The following RAB38 variants were observed in gnomAD, a reference collection of about 807,000 sequenced individuals.
RAB38 encodes the protein ras-related protein Rab-38.
RAB38 carries 15 observed loss-of-function variants against 18.4 expected under a neutral mutation model. The observed-to-expected ratio is 0.82, with a 90% CI of 0.55 to 1.26. The LOEUF is 1.26. RAB38 is among the 50% of genes most tolerant of loss of function. The probability of loss-of-function intolerance (pLI) is 0.00; values close to 1 mark genes in which losing one functional copy is unlikely to be tolerated. For synonymous variants in RAB38, 101 were observed against 104.4 expected, an observed-to-expected ratio of 0.97 and a Z score of 0.20; for missense variants, 294 against 267.4, an observed-to-expected ratio of 1.10 and a Z score of -0.69.
chr11:87,947,480 T>C, the RAB38 span, among the ~76,000 whole-genome samples: 1 of 152,190 alleles, frequency 6.6e-6, no homozygotes, highest in African/African-American at 2.4e-5. Context: ...ATGTCCTGAA[T>C]GGTATTGCCT....
chr11:88,166,136 A>G (rs984845857), intron 1 of RAB38: 6 of 152,206 alleles, frequency 3.9e-5, no homozygotes, highest in Non-Finnish European at 8.8e-5. Flanking sequence ...CTCAGAGGCA[A>G]TAAGCATGGA....
Position 88,175,166 on chromosome 11 carries a change from C to T in RAB38, c.202+17G>A, listed in dbSNP as rs1487667376. The T allele has an allele frequency of 6.3e-7, 1 of 1,576,478 alleles. No individual in the cohort carries two copies. Among genetic ancestry groups the T allele is most frequent in the Non-Finnish European group, 8.6e-7 (1 of 1,159,668 alleles). On this transcript the variant is annotated intron_variant, in intron 1 of 2. Transcript: ENST00000243662. The stretch of plus-strand genomic sequence containing the variant: ...GCGAGGCGCTCTATCCCCCTGACCC[C>T]CTCCCCCCGCGCTCACCTGCGATAT...
rs1352151793 is a variant in RAB38 at position 88,149,699 on chromosome 11, T to G, written c.459A>C (p.Val153=). 6.2e-7 allele frequency: 1 copy of G among 1,612,182 alleles called. No homozygotes were observed. Among genetic ancestry groups the G allele is most frequent in the Non-Finnish European group, 8.5e-7 (1 of 1,178,324 alleles). Residue 153 remains valine, a synonymous_variant, in exon 2 of 3, where the codon GTA becomes GTC. Coordinates refer to ENST00000243662, the MANE Select transcript of RAB38 (RefSeq NM_022337.3). Reference sequence around the variant, plus strand: ...CCTTTGCTGATGTTTCAAACCATCCTACGAAACCGTGCTCCTTGCAGAACT... The same window carrying G: ...CCTTTGCTGATGTTTCAAACCATCCGACGAAACCGTGCTCCTTGCAGAACT... The part of the protein sequence containing the change: ...MDQFCKEHGF[V]GWFETSAKEN...
the RAB38 span, among the ~76,000 whole-genome samples, chr11:87,910,828 G>A: frequency 6.6e-6 from 1 of 151,580 alleles, no homozygotes; most frequent in Non-Finnish European, 1.5e-5. Context: ...GTAGAGACGG[G>A]GTTTCACCAT....
At chr11:88,165,328 T>C (rs569399399) in intron 1 of RAB38, among the ~76,000 whole-genome samples, 11 of 152,262 alleles carry the variant, frequency 7.2e-5, no homozygotes, top group Non-Finnish European at 1.5e-4. Flanking sequence ...GCTTGTTAGC[T>C]TGTTTATCTT....
the RAB38 span, among the ~76,000 whole-genome samples, chr11:88,004,406 G>A: frequency 6.6e-6 from 1 of 151,024 alleles, no homozygotes; most frequent in African/African-American, 2.4e-5. Flanking sequence ...CACAAAAAAA[G>A]CATTTTAGAA....
intron 1 of RAB38, among the ~76,000 whole-genome samples, chr11:88,150,225 T>G (rs149898263): frequency 2.6e-5 from 4 of 152,342 alleles, no homozygotes; most frequent in African/African-American, 7.2e-5. Context: ...AGTATTCCAG[T>G]AGCCACATAT....
the RAB38 span, among the ~76,000 whole-genome samples, chr11:88,060,727 C>T: frequency 6.6e-6 from 1 of 152,182 alleles, no homozygotes; most frequent in South Asian, 2.1e-4. Context: ...CTGACTTATA[C>T]CAACTAGCTG....
the RAB38 span, among the ~76,000 whole-genome samples, chr11:87,899,409 A>G: frequency 6.6e-6 from 1 of 151,682 alleles, no homozygotes; most frequent in Non-Finnish European, 1.5e-5. Flanking sequence ...AGCTGTTTTT[A>G]TTTCTTTATA....
At chr11:88,065,488 G>C in the RAB38 span, among the ~76,000 whole-genome samples, 2 of 152,164 alleles carry the variant, frequency 1.3e-5, no homozygotes, top group African/African-American at 4.8e-5. Flanking sequence ...ACCTAGGTTA[G>C]TGCATCCCCT....
At chr11:87,917,411 C>A in the RAB38 span, among the ~76,000 whole-genome samples, 1 of 151,568 alleles carries the variant, frequency 6.6e-6, no homozygotes, top group Non-Finnish European at 1.5e-5. Flanking sequence ...TTTGAGAAAG[C>A]TCAACTTATG....
chr11:87,857,178 A>G, the RAB38 span, among the ~76,000 whole-genome samples: 2 of 152,226 alleles, frequency 1.3e-5, no homozygotes, highest in East Asian at 1.9e-4. Flanking sequence ...CCATGTCCCT[A>G]CAAAGGACAG....
chr11:88,098,622 A>G, the RAB38 span: 9 of 152,112 alleles, frequency 5.9e-5, no homozygotes, highest in East Asian at 1.4e-3. Context: ...TTAATGCAAC[A>G]TAACTTTTTG....
At chr11:87,870,472 T>A in the RAB38 span, among the ~76,000 whole-genome samples, 3 of 151,398 alleles carry the variant, frequency 2.0e-5, no homozygotes, top group Non-Finnish European at 4.4e-5. Context: ...AAAAAAAAAA[T>A]CATTTCAGAG....
the RAB38 span, among the ~76,000 whole-genome samples, chr11:87,807,984 G>C: frequency 1.2e-4 from 18 of 152,218 alleles, no homozygotes; most frequent in African/African-American, 4.3e-4. Flanking sequence ...GGCAGAGCCA[G>C]TTGACAGAGA....
the RAB38 span, among the ~76,000 whole-genome samples, chr11:87,843,527 T>C: frequency 2.6e-5 from 4 of 152,192 alleles, no homozygotes; most frequent in African/African-American, 7.2e-5. Context: ...GTGCTTCTAA[T>C]TGACTAATAT....
chr11:88,134,438 C>A (rs1266736223), intron 2 of RAB38, among the ~76,000 whole-genome samples: 1 of 152,120 alleles, frequency 6.6e-6, no homozygotes, highest in African/African-American at 2.4e-5. Flanking sequence ...AATGGGGTTT[C>A]TCCATGTTGG....
chr11:87,808,139 A>G, the RAB38 span, among the ~76,000 whole-genome samples: 1 of 152,182 alleles, frequency 6.6e-6, no homozygotes, highest in Non-Finnish European at 1.5e-5. Context: ...ATTACAGAAA[A>G]AGTATGAAGA....
At chr11:88,106,973 A>T in the RAB38 span, among the ~76,000 whole-genome samples, 1 of 152,108 alleles carries the variant, frequency 6.6e-6, no homozygotes, top group Admixed American at 6.6e-5. Flanking sequence ...TAGACAGAGA[A>T]GAGCAGCGAT....
Sources: allele counts gnomAD v4.1 joint callset (sites outside exome capture counted in the v4.1 genomes callset), GRCh38; gene constraint gnomAD v4.1.1; transcripts MANE v1.5; gene names NCBI Gene and HGNC (gene_info 2026-07-23, HGNC 2026-07-21).